Variants in ATP2B1 observed in about 807,000 individuals in gnomAD.
The protein encoded by ATP2B1 is ATPase plasma membrane Ca2+ transporting 1, also known as plasma membrane calcium-transporting ATPase 1.
ATP2B1 carries 14 observed loss-of-function variants against 124.2 expected under a neutral mutation model. The observed-to-expected ratio is 0.11, with a 90% CI of 0.07 to 0.18. ATP2B1 has a LOEUF of 0.18. Among genes scored for constraint, ATP2B1 ranks in the 10% least tolerant of loss-of-function variants. ATP2B1 has a pLI of 1.00. For synonymous variants in ATP2B1, 449 were observed against 492.4 expected (o/e 0.91, Z 1.17); for missense variants, 763 against 1,466.1 (o/e 0.52, Z 7.83).
At chr12:89,685,274 A>G (rs767048683) in intron 1 of ATP2B1, among the ~76,000 whole-genome samples, 3 of 152,130 alleles carry the variant, frequency 2.0e-5, no homozygotes, top group Admixed American at 6.6e-5. Context: ...TTAACCTCCA[A>G]TCAAAGGATC....
chr12:89,682,742 T>C (rs1889507656), intron 1 of ATP2B1, among the ~76,000 whole-genome samples: 1 of 152,102 alleles, frequency 6.6e-6, no homozygotes, highest in African/African-American at 2.4e-5. Context: ...ACACAAGAAT[T>C]AGAAGAAAAC....
At chr12:89,645,570 T>G (rs1211591239) in intron 2 of ATP2B1, among the ~76,000 whole-genome samples, 1 of 152,166 alleles carries the variant, frequency 6.6e-6, no homozygotes, top group Non-Finnish European at 1.5e-5. Flanking sequence ...ACATTTGGCT[T>G]CTGTCTGAAC....
intron 1 of ATP2B1, among the ~76,000 whole-genome samples, chr12:89,675,122 A>G (rs1445363221): frequency 6.6e-6 from 1 of 152,192 alleles, no homozygotes; most frequent in African/African-American, 2.4e-5. Flanking sequence ...TTAGGGATCA[A>G]CAATTTTCAT....
At chr12:89,596,876 T>C (rs1447380122) in intron 20 of ATP2B1, among the ~76,000 whole-genome samples, 1 of 152,130 alleles carries the variant, frequency 6.6e-6, no homozygotes, top group Admixed American at 6.6e-5. Context: ...TACCAGACTA[T>C]TATCAATCCC....
At chr12:89,677,971 T>TATATATATATACACACAC (rs1461216851) in intron 1 of ATP2B1, among the ~76,000 whole-genome samples, 1 of 52,308 alleles carries the variant, frequency 1.9e-5, no homozygotes, top group African/African-American at 7.0e-5. Context: ...TATATATATA[T>TATATATATATACACACAC]ACACACACAC....
intron 1 of ATP2B1, among the ~76,000 whole-genome samples, chr12:89,667,862 T>C (rs1328035841): frequency 1.3e-5 from 2 of 152,176 alleles, no homozygotes; most frequent in Non-Finnish European, 2.9e-5. Context: ...ACCAACACCA[T>C]TTTTCACAGA....
At chr12:89,597,126 T>C (rs1412152755) in intron 20 of ATP2B1, among the ~76,000 whole-genome samples, 1 of 152,128 alleles carries the variant, frequency 6.6e-6, no homozygotes, top group Non-Finnish European at 1.5e-5. Context: ...TGACACATGG[T>C]AGGCCTTCCA....
intron 1 of ATP2B1, among the ~76,000 whole-genome samples, chr12:89,659,169 C>T (rs902890128): frequency 6.6e-5 from 10 of 152,144 alleles, no homozygotes; most frequent in Admixed American, 3.3e-4. Flanking sequence ...TTTTGCTTCT[C>T]TTTGTTTTCT....
intron 5 of ATP2B1, among the ~76,000 whole-genome samples, chr12:89,633,480 A>AT (rs11301314): frequency 4.8e-5 from 7 of 144,696 alleles, no homozygotes; most frequent in African/African-American, 1.5e-4. Context: ...ACATCTCAAG[A>AT]TTTTTTTTTT....
chr12:89,591,548 C>G (rs1425850616), intron 20 of ATP2B1, among the ~76,000 whole-genome samples: 2 of 151,920 alleles, frequency 1.3e-5, no homozygotes, highest in Non-Finnish European at 2.9e-5. Context: ...TTGTCATTGG[C>G]TAAAAATTTA....
chr12:89,635,320 C>G, intron 3 of ATP2B1, 69 bp from the exon 4 acceptor site: 1 of 1,484,084 alleles, frequency 6.7e-7, no homozygotes, highest in Non-Finnish European at 9.0e-7. Context: ...TATAGTACGT[C>G]TAAATCATAT....
chr12:89,621,408 AC>A, intron 10 of ATP2B1, 140 bp downstream of exon 10: 2 of 586,760 alleles, frequency 3.4e-6, no homozygotes, highest in South Asian at 5.5e-5. Flanking sequence ...AAATTTAAAA[AC>A]CATTATATAA....
intron 1 of ATP2B1, among the ~76,000 whole-genome samples, chr12:89,658,017 G>A (rs1388946369): frequency 6.6e-6 from 1 of 152,004 alleles, no homozygotes; most frequent in Non-Finnish European, 1.5e-5. Flanking sequence ...TCCCTCCTAC[G>A]CACACATCAA....
chr12:89,639,686 A>T (rs1475258561), intron 3 of ATP2B1, among the ~76,000 whole-genome samples: 1 of 152,006 alleles, frequency 6.6e-6, no homozygotes, highest in African/African-American at 2.4e-5. Flanking sequence ...TGACTCTTTT[A>T]AAAGGGCCTT....
At chr12:89,671,056 A>G (rs766303033) in intron 1 of ATP2B1, among the ~76,000 whole-genome samples, 1 of 152,064 alleles carries the variant, frequency 6.6e-6, no homozygotes, top group African/African-American at 2.4e-5. Context: ...ATCATTATAC[A>G]TTATATCAGG....
Position 89,589,769 on chromosome 12 carries a change from A to C in ATP2B1, c.*1215T>G, listed in dbSNP as rs1486534079. 6.6e-6 allele frequency: 1 copy of C among 152,158 alleles called. No homozygotes were observed. The highest frequency in any genetic ancestry group is 1.5e-5 in the Non-Finnish European group (1 of 68,008). The allele number at this position is 152,158 out of a possible 1,614,324, so 9.4% of individuals were successfully genotyped here. ...CTGTATATGCAGAACTGAGTAAAGA[A>C]GCTGAAATGTCTTTTAAAAAAACAT... On this transcript the variant is annotated 3_prime_UTR_variant, in exon 21 of 21. Transcript: ENST00000428670.
chr12:89,649,990 A>C (rs1015897721), intron 2 of ATP2B1, among the ~76,000 whole-genome samples: 8 of 152,080 alleles, frequency 5.3e-5, no homozygotes. Context: ...CCATGAGTAA[A>C]ATCTCCCTGA....
intron 19 of ATP2B1, among the ~76,000 whole-genome samples, chr12:89,599,694 G>A (rs1018741194): frequency 2.6e-5 from 4 of 151,776 alleles, no homozygotes; most frequent in African/African-American, 9.7e-5. Context: ...CATTAATGCT[G>A]TCAGAGTTCA....
rs762689087 is a variant in ATP2B1, at chr12:89,610,078, ATTAC to A, written c.2336-39_2336-36del. 59 of 1,544,566 alleles carry A rather than the reference ATTAC, an allele frequency of 3.8e-5. No homozygotes were observed. The African/African-American group carries it at 6.1e-4, about 16-fold the overall frequency. On this transcript the variant is annotated intron_variant, in intron 14 of 20. Transcript: ENST00000428670. ...AAGCAAATATTTGTGTTATAAAAAC[ATTAC>A]TCTTTAATAAGATGATTCTGAAGAA...
Sources: gnomAD v4.1 joint callset for allele counts (sites outside exome capture counted in the v4.1 genomes callset) on GRCh38, gnomAD v4.1.1 for gene constraint, MANE v1.5 for transcripts, NCBI Gene and HGNC (gene_info 2026-07-23, HGNC 2026-07-21) for gene names.